CCDC88A: variants seen among roughly 807,000 people sequenced by gnomAD.
CCDC88A encodes coiled-coil and HOOK domain protein 88A.
CCDC88A carries 54 observed loss-of-function variants against 234.3 expected under a neutral mutation model. The observed-to-expected ratio is 0.23, with a 90% CI of 0.19 to 0.29. The LOEUF (loss-of-function observed/expected upper bound fraction) is 0.29. Among genes scored for constraint, CCDC88A ranks in the 10% least tolerant of loss-of-function variants. The pLI, the probability that CCDC88A is intolerant of heterozygous loss-of-function variation, is 1.00. For missense variants in CCDC88A, 1,832 were observed against 2,123.4 expected (o/e 0.86, Z 2.70); for synonymous variants, 753 against 737.8 (o/e 1.02, Z -0.33).
intron 2 of CCDC88A, chr2:55,406,201 T>C (rs1484644468): frequency 1.3e-5 from 2 of 151,826 alleles, no homozygotes; most frequent in Non-Finnish European, 2.9e-5. Flanking sequence ...TCATTACATG[T>C]ACATTCTATT....
chr2:55,295,536 C>T (rs1472314472), intron 31 of CCDC88A, 61 bp downstream of exon 31: 2 of 1,613,778 alleles, frequency 1.2e-6, no homozygotes, highest in South Asian at 1.1e-5. Flanking sequence ...GGCACAAGAA[C>T]CTATAGTATG....
intron 15 of CCDC88A, among the ~76,000 whole-genome samples, chr2:55,333,097 C>A (rs544522516): frequency 1.5e-3 from 229 of 152,232 alleles, no homozygotes; most frequent in Middle Eastern, 3.4e-3. Flanking sequence ...CCCTATGATA[C>A]TGATCTGAAG....
chr2:55,347,426 G>A (rs1669288572), intron 9 of CCDC88A, among the ~76,000 whole-genome samples: 1 of 152,050 alleles, frequency 6.6e-6, no homozygotes, highest in African/African-American at 2.4e-5. Context: ...GCTACATGGT[G>A]TGTGACATCT....
intron 2 of CCDC88A, among the ~76,000 whole-genome samples, chr2:55,395,047 T>C (rs753991818): frequency 2.4e-4 from 37 of 152,234 alleles, no homozygotes; most frequent in Non-Finnish European, 5.0e-4. Flanking sequence ...GTTTTCACCA[T>C]GTTGGCCAGG....
At chr2:55,304,128 G>A (rs567485061) in intron 25 of CCDC88A, among the ~76,000 whole-genome samples, 2 of 150,230 alleles carry the variant, frequency 1.3e-5, no homozygotes, top group African/African-American at 5.0e-5. Flanking sequence ...GGGCAACAGA[G>A]CGAGAACCCA....
chr2:55,400,925 T>C (rs1052273997), intron 2 of CCDC88A, among the ~76,000 whole-genome samples: 1 of 152,224 alleles, frequency 6.6e-6, no homozygotes, highest in African/African-American at 2.4e-5. Context: ...CATGTCACTA[T>C]GATACATCTG....
chr2:55,369,286 G>A (rs898028923), intron 5 of CCDC88A, among the ~76,000 whole-genome samples: 2 of 151,882 alleles, frequency 1.3e-5, no homozygotes, highest in Non-Finnish European at 2.9e-5. Flanking sequence ...CCACTGTTCC[G>A]GCCTCCCAAG....
At position 55,309,411 on chromosome 2, in the gene CCDC88A, G is replaced by T. The variant is rs1350072694; in HGVS notation, c.4080-157C>A. ...AGATTTCATCAGGTAGTTAACAATG[G>T]GAATTTTTCCATGTTTCTCCTTTTT... On this transcript the variant is annotated intron_variant, in intron 23 of 32. Coordinates refer to ENST00000436346, the MANE Select transcript of CCDC88A (RefSeq NM_001365480.1). This position sits in a 1 kb window ranked among gnomAD's most constrained non-coding sequence, Gnocchi z 5.1. 1.3e-5 allele frequency among the ~76,000 whole-genome samples: 2 copies of T among 151,750 alleles called. No homozygotes were observed. The highest frequency in any genetic ancestry group is 3.9e-4 in the East Asian group (2 of 5,178).
intron 19 of CCDC88A, among the ~76,000 whole-genome samples, chr2:55,318,195 A>G (rs562870652): frequency 2.3e-4 from 35 of 152,194 alleles, no homozygotes; most frequent in Non-Finnish European, 4.6e-4. Context: ...GAATTTGGTG[A>G]TAGAAGTTGA....
At position 55,384,543 on chromosome 2, in the gene CCDC88A, ATATATG is replaced by A. The variant is rs1675171057; in HGVS notation, c.273+4229_273+4234del. Among the ~76,000 whole-genome samples, 2 of 70,202 alleles carry A rather than the reference ATATATG, an allele frequency of 2.8e-5. 1 individual carries two copies. Among genetic ancestry groups the A allele is most frequent in the African/African-American group, 1.5e-4 (2 of 13,334 alleles). 46.1% of individuals were successfully genotyped at this position (70,202 alleles called of 152,430 possible). On this transcript the variant is annotated intron_variant, in intron 3 of 32. Coordinates refer to ENST00000436346, the MANE Select transcript of CCDC88A (RefSeq NM_001365480.1). The stretch of plus-strand genomic sequence containing the variant: ...ATTATATATATATACATATATACGT[ATATATG>A]TGTATATATACACATATATACGTAT...
intron 25 of CCDC88A, among the ~76,000 whole-genome samples, chr2:55,303,522 C>T (rs1338912553): frequency 1.3e-5 from 2 of 151,774 alleles, no homozygotes; most frequent in Non-Finnish European, 2.9e-5. Context: ...GCTGGAATTA[C>T]AGGCATGTGC....
At chr2:55,375,166 T>C (rs953842807) in intron 3 of CCDC88A, among the ~76,000 whole-genome samples, 3 of 152,056 alleles carry the variant, frequency 2.0e-5, no homozygotes, top group East Asian at 1.9e-4. Flanking sequence ...GGAGGATCAC[T>C]CAAGATGAGC....
At chr2:55,365,874 T>A (rs3111404) in intron 5 of CCDC88A, among the ~76,000 whole-genome samples, 58,145 of 152,044 alleles carry the variant, frequency 0.38, 11,910 homozygotes, top group East Asian at 0.85. Context: ...AATACGGTGA[T>A]CATTAGCTAT....
At chr2:55,381,035 T>A (rs767362023) in intron 3 of CCDC88A, among the ~76,000 whole-genome samples, 1 of 152,206 alleles carries the variant, frequency 6.6e-6, no homozygotes, top group Non-Finnish European at 1.5e-5. Flanking sequence ...CATAAGATTA[T>A]AAAACCATAT....
chr2:55,371,347 C>T (rs955560748), intron 5 of CCDC88A, among the ~76,000 whole-genome samples: 1 of 151,990 alleles, frequency 6.6e-6, no homozygotes, highest in Non-Finnish European at 1.5e-5. Context: ...GCAGTCAGCT[C>T]TAAAAGCCAA....
At chr2:55,378,808 C>T (rs975229526) in intron 3 of CCDC88A, among the ~76,000 whole-genome samples, 14 of 149,810 alleles carry the variant, frequency 9.3e-5, no homozygotes, top group South Asian at 2.1e-4. Flanking sequence ...TGCAGTGGCA[C>T]GTTCTTGGCT....
chr2:55,346,422 T>C, intron 9 of CCDC88A, 89 bp from the exon 10 acceptor site: 4 of 699,804 alleles, frequency 5.7e-6, no homozygotes, highest in East Asian at 3.4e-5. Flanking sequence ...TATTTATTTA[T>C]TTATTTATTT....
chr2:55,338,386 C>A (rs1458519114), intron 13 of CCDC88A, among the ~76,000 whole-genome samples: 1 of 152,178 alleles, frequency 6.6e-6, no homozygotes, highest in Non-Finnish European at 1.5e-5. Context: ...TCCAGGACAG[C>A]AGGATGAGCA....
chr2:55,407,402 C>T (rs953203592), intron 2 of CCDC88A, among the ~76,000 whole-genome samples: 43 of 151,484 alleles, frequency 2.8e-4, no homozygotes, highest in African/African-American at 9.7e-4. Flanking sequence ...GTCAGGAGTT[C>T]GAGACCCGCC....
Sources: gnomAD v4.1 joint callset for allele counts (sites outside exome capture counted in the v4.1 genomes callset) on GRCh38, gnomAD v4.1.1 for gene constraint, Gnocchi (gnomAD v3.1) non-coding constraint, MANE v1.5 for transcripts, NCBI Gene and HGNC (gene_info 2026-07-23, HGNC 2026-07-21) for gene names.